The following THRB variants were observed in gnomAD, a reference collection of about 807,000 sequenced individuals.
THRB encodes thyroid hormone receptor beta, also known as nuclear receptor subfamily 1 group A member 2.
A neutral mutation model predicts 47.8 loss-of-function variants in THRB; 12 were observed. The observed-to-expected ratio is 0.25, with a 90% CI of 0.16 to 0.41. The LOEUF (loss-of-function observed/expected upper bound fraction) is 0.41. Among genes scored for constraint, THRB ranks in the 10% least tolerant of loss-of-function variants. THRB has a pLI of 1.00. For missense variants in THRB, 348 were observed against 589.2 expected (o/e 0.59, Z 4.24); for synonymous variants, 218 against 212.2 (o/e 1.03, Z -0.24).
intron 4 of THRB, among the ~76,000 whole-genome samples, chr3:24,197,545 A>G (rs1272247013): frequency 6.6e-6 from 1 of 152,138 alleles, no homozygotes; most frequent in Non-Finnish European, 1.5e-5. Context: ...TTGGACTCTA[A>G]TCAATGTATC....
At chr3:24,257,642 T>C (rs2051440152) in intron 3 of THRB, among the ~76,000 whole-genome samples, 1 of 152,262 alleles carries the variant, frequency 6.6e-6, no homozygotes, top group Admixed American at 6.5e-5. Flanking sequence ...TGCCATGCAG[T>C]GTGAAAGCAG....
chr3:24,389,474 G>A (rs2066389746), intron 1 of THRB, among the ~76,000 whole-genome samples: 1 of 152,164 alleles, frequency 6.6e-6, no homozygotes, highest in South Asian at 2.1e-4. Flanking sequence ...AACGCTTTAA[G>A]AAAGAAATGT....
chr3:24,493,995 A>T (rs1038519427), intron 1 of THRB: 1 of 152,346 alleles, frequency 6.6e-6, no homozygotes, highest in Non-Finnish European at 1.5e-5. Context: ...GACCCAGAGG[A>T]AGATGCTGCG....
chr3:24,161,617 A>AACAC (rs58600238), intron 5 of THRB, among the ~76,000 whole-genome samples: 36,078 of 140,992 alleles, frequency 0.26, 4,699 homozygotes, highest in Admixed American at 0.31. Context: ...AGAGCTACAG[A>AACAC]ACACACACAC....
chr3:24,379,434 C>T (rs2065531466), intron 1 of THRB, among the ~76,000 whole-genome samples: 1 of 152,058 alleles, frequency 6.6e-6, no homozygotes, highest in Non-Finnish European at 1.5e-5. Context: ...GGACCCATGT[C>T]TCAAGCCAAG....
chr3:24,218,581 G>C (rs368350541), intron 4 of THRB, among the ~76,000 whole-genome samples: 1 of 151,728 alleles, frequency 6.6e-6, no homozygotes, highest in South Asian at 2.1e-4. Context: ...AATTCTGTTG[G>C]CTGTTTTCTC....
intron 8 of THRB, among the ~76,000 whole-genome samples, chr3:24,138,996 C>G (rs1471785989): frequency 6.6e-6 from 1 of 152,158 alleles, no homozygotes; most frequent in Non-Finnish European, 1.5e-5. Context: ...CTGTCAGGGG[C>G]TGCTACTGGA....
rs2031725813 is a variant in THRB at position 24,121,762 on chromosome 3, G to T, written c.*1122C>A. Reference sequence around the variant, plus strand: ...AGGGGACTAGGAGACATTTGTCAATGAGGCAAGGAGCTTGAGGATCTAACC... The same window carrying T: ...AGGGGACTAGGAGACATTTGTCAATTAGGCAAGGAGCTTGAGGATCTAACC... On this transcript the variant is annotated 3_prime_UTR_variant, in exon 11 of 11. Transcript: ENST00000646209. The T allele has an allele frequency of 6.6e-6, 1 of 152,326 alleles. No individual in the cohort carries two copies. Among genetic ancestry groups the T allele is most frequent in the African/African-American group, 2.4e-5 (1 of 41,440 alleles). The allele number at this position is 152,326 out of a possible 1,614,324, so 9.4% of individuals were successfully genotyped here.
At chr3:24,221,967 C>G (rs2047202559) in intron 4 of THRB, among the ~76,000 whole-genome samples, 1 of 152,198 alleles carries the variant, frequency 6.6e-6, no homozygotes, top group Admixed American at 6.5e-5. Flanking sequence ...AGGACCAGTC[C>G]TTCTTCATGT....
At chr3:24,344,206 G>A (rs993187732) in intron 1 of THRB, among the ~76,000 whole-genome samples, 9 of 151,942 alleles carry the variant, frequency 5.9e-5, no homozygotes, top group African/African-American at 2.2e-4. Context: ...ATATTGTTTG[G>A]TAAATTCTGA....
At chr3:24,239,154 C>T (rs1388276398) in intron 3 of THRB, among the ~76,000 whole-genome samples, 1 of 152,142 alleles carries the variant, frequency 6.6e-6, no homozygotes, top group Non-Finnish European at 1.5e-5. Flanking sequence ...GTTGGCCAGT[C>T]TGGTCTTGAA....
At chr3:24,273,105 A>G (rs2053524355) in intron 3 of THRB, among the ~76,000 whole-genome samples, 1 of 152,042 alleles carries the variant, frequency 6.6e-6, no homozygotes, top group Admixed American at 6.6e-5. Flanking sequence ...TAATAGAAAG[A>G]ATGTAACAGG....
At chr3:24,221,681 ACT>A (rs1463763190) in intron 4 of THRB, among the ~76,000 whole-genome samples, 1 of 151,900 alleles carries the variant, frequency 6.6e-6, no homozygotes, top group Non-Finnish European at 1.5e-5. Context: ...CCCACCTTCT[ACT>A]CTCTATAAAG....
chr3:24,156,510 C>T (rs1018329504), intron 5 of THRB, among the ~76,000 whole-genome samples: 1 of 152,322 alleles, frequency 6.6e-6, no homozygotes, highest in East Asian at 1.9e-4. Context: ...CTTTTCCAAA[C>T]TGGCAAATCT....
At chr3:24,315,345 G>A (rs931703897) in intron 2 of THRB, among the ~76,000 whole-genome samples, 3 of 152,172 alleles carry the variant, frequency 2.0e-5, no homozygotes, top group Non-Finnish European at 4.4e-5. Flanking sequence ...ATAGAATGAA[G>A]GCATTCTAAA....
At chr3:24,365,333 G>C (rs942714262) in intron 1 of THRB, among the ~76,000 whole-genome samples, 33 of 152,132 alleles carry the variant, frequency 2.2e-4, no homozygotes, top group African/African-American at 7.7e-4. Flanking sequence ...CAAGCTGACA[G>C]ACTGCAGGGA....
At chr3:24,263,387 T>G (rs1404450277) in intron 3 of THRB, among the ~76,000 whole-genome samples, 1 of 152,196 alleles carries the variant, frequency 6.6e-6, no homozygotes, top group Non-Finnish European at 1.5e-5. Flanking sequence ...TAAAGTGGCT[T>G]GCTCAAGATC....
At chr3:24,437,509 A>T (rs1215195739) in intron 1 of THRB, among the ~76,000 whole-genome samples, 1 of 152,216 alleles carries the variant, frequency 6.6e-6, no homozygotes, top group Non-Finnish European at 1.5e-5. Flanking sequence ...GTACATTTCA[A>T]AATAGCTAGA....
At position 24,272,345 on chromosome 3, in the gene THRB, C is replaced by CAAA. The variant is rs199869531; in HGVS notation, c.-43+24878_-43+24880dup. ...TGGGTGACAGAGTAAGACTCTCTCT[C>CAAA]AAAACAACAACAACAACAACAACAA... is the stretch of plus-strand genomic sequence containing the variant. On this transcript the variant is annotated intron_variant, in intron 3 of 10. Transcript: ENST00000646209. 4.7e-3 allele frequency among the ~76,000 whole-genome samples: 414 copies of CAAA among 87,224 alleles called. 11 individuals are homozygous for CAAA. The highest frequency in any genetic ancestry group is 0.045 in the East Asian group (129 of 2,890). 57.2% of individuals were successfully genotyped at this position (87,224 alleles called of 152,430 possible).
Sources: gnomAD v4.1 joint callset for allele counts (sites outside exome capture counted in the v4.1 genomes callset) on GRCh38, gnomAD v4.1.1 for gene constraint, MANE v1.5 for transcripts, NCBI Gene and HGNC (gene_info 2026-07-23, HGNC 2026-07-21) for gene names.